The following ADCY2 variants were observed in gnomAD, a reference collection of about 807,000 sequenced individuals.
ADCY2 encodes adenylate cyclase type 2.
A neutral mutation model predicts 125.2 loss-of-function variants in ADCY2; 31 were observed. The observed-to-expected ratio is 0.25, with a 90% CI of 0.19 to 0.33. The LOEUF (loss-of-function observed/expected upper bound fraction) is 0.33. Among genes scored for constraint, ADCY2 ranks in the 10% least tolerant of loss-of-function variants. The pLI is 1.00. For synonymous variants in ADCY2, 512 were observed against 548.4 expected (o/e 0.93, Z 0.93); for missense variants, 904 against 1,418.2 (o/e 0.64, Z 5.82).
chr5:7,412,086 AG>A (rs1739741336), intron 1 of ADCY2, among the ~76,000 whole-genome samples: 1 of 151,730 alleles, frequency 6.6e-6, no homozygotes, highest in Admixed American at 6.6e-5. Context: ...AAAAAAAAAA[AG>A]AGAAGCACGG....
intron 3 of ADCY2, among the ~76,000 whole-genome samples, chr5:7,573,169 A>T (rs1736116730): frequency 6.6e-6 from 1 of 152,144 alleles, no homozygotes; most frequent in Non-Finnish European, 1.5e-5. Flanking sequence ...GAGAAAATAA[A>T]TTTTTGTGAT....
intron 4 of ADCY2, among the ~76,000 whole-genome samples, chr5:7,686,000 A>T (rs971133626): frequency 1.2e-4 from 19 of 152,292 alleles, no homozygotes; most frequent in Non-Finnish European, 2.5e-4. Flanking sequence ...TAGCATCCTG[A>T]TGTAATTGAA....
rs1262300154 is a variant in ADCY2 at position 7,531,505 on chromosome 5, A to G, written c.570+10606A>G. ...AAACAACAGAGATTTATAAATTCTGACATTTATTATCTCACAGAAATCAAA... is the reference window on the plus strand; with the variant it reads ...AAACAACAGAGATTTATAAATTCTGGCATTTATTATCTCACAGAAATCAAA... On this transcript the variant is annotated intron_variant, in intron 3 of 24. Coordinates refer to ENST00000338316, the MANE Select transcript of ADCY2 (RefSeq NM_020546.3). Among the ~76,000 whole-genome samples, 7 of 152,190 alleles carry G rather than the reference A, an allele frequency of 4.6e-5. No individual in the cohort carries two copies. The East Asian group carries it at 1.3e-3, about 29-fold the overall frequency.
intron 3 of ADCY2, among the ~76,000 whole-genome samples, chr5:7,557,205 CAAGT>C (rs1735553906): frequency 1.2e-5 from 1 of 82,554 alleles, no homozygotes; most frequent in Admixed American, 1.0e-4. Context: ...ATATATAACT[CAAGT>C]GAGTGTATCT....
At chr5:7,534,589 G>A (rs191357066) in intron 3 of ADCY2, among the ~76,000 whole-genome samples, 23 of 152,324 alleles carry the variant, frequency 1.5e-4, no homozygotes, top group African/African-American at 4.6e-4. Flanking sequence ...GCCATTGGCT[G>A]GTTTATCTGG....
At position 7,661,109 on chromosome 5, in the gene ADCY2, G is replaced by A. The variant is rs184153758; in HGVS notation, c.721-29582G>A. Among the ~76,000 whole-genome samples the A allele has an allele frequency of 3.1e-3, 475 of 152,098 alleles. 4 individuals are homozygous for A. Among genetic ancestry groups the A allele is most frequent in the African/African-American group, 0.011 (448 of 41,472 alleles). Reference sequence around the variant, plus strand: ...AACAAACAAGGGTGATTTGGACAGGGGTATATATCTCTAAAGCTTGGGGCA... The same window carrying A: ...AACAAACAAGGGTGATTTGGACAGGAGTATATATCTCTAAAGCTTGGGGCA... On this transcript the variant is annotated intron_variant, in intron 4 of 24. Transcript: ENST00000338316.
At chr5:7,407,427 A>C (rs966252480) in intron 1 of ADCY2, among the ~76,000 whole-genome samples, 1 of 152,078 alleles carries the variant, frequency 6.6e-6, no homozygotes, top group Admixed American at 6.5e-5. Flanking sequence ...TTGTGGCTGA[A>C]GGGGAAGGGG....
At chr5:7,435,711 G>C (rs1330649585) in intron 2 of ADCY2, among the ~76,000 whole-genome samples, 1 of 152,178 alleles carries the variant, frequency 6.6e-6, no homozygotes, top group African/African-American at 2.4e-5. Context: ...TTTGAGTATA[G>C]GACATTGTCC....
intron 20 of ADCY2, among the ~76,000 whole-genome samples, chr5:7,792,465 C>G (rs1450706870): frequency 1.3e-5 from 2 of 152,026 alleles, no homozygotes; most frequent in Non-Finnish European, 1.5e-5. Context: ...GACATGGGCT[C>G]AGAGGAAAGC....
chr5:7,752,679 G>C (rs554995272), intron 15 of ADCY2, among the ~76,000 whole-genome samples: 22 of 148,882 alleles, frequency 1.5e-4, no homozygotes, highest in African/African-American at 4.9e-4. Context: ...TGTTTCCATT[G>C]CAAGTGGATC....
chr5:7,743,792 C>T (rs747960215), intron 15 of ADCY2, 40 bp downstream of exon 15: 6 of 1,585,812 alleles, frequency 3.8e-6, no homozygotes, highest in African/African-American at 2.7e-5. Flanking sequence ...AAAGTATGCT[C>T]ATTTCATGAA....
chr5:7,495,329 T>G (rs1355499493), intron 2 of ADCY2, among the ~76,000 whole-genome samples: 1 of 152,214 alleles, frequency 6.6e-6, no homozygotes, highest in Non-Finnish European at 1.5e-5. Context: ...GTCAGGAATT[T>G]CGAGCTTCAT....
chr5:7,724,981 A>G (rs1014626067), intron 13 of ADCY2, among the ~76,000 whole-genome samples: 1 of 152,248 alleles, frequency 6.6e-6, no homozygotes, highest in Non-Finnish European at 1.5e-5. Flanking sequence ...ATGTCTTTAC[A>G]CAAATTATTT....
At chr5:7,690,578 G>T in intron 4 of ADCY2, 113 bp from the exon 5 acceptor site, 1 of 967,310 alleles carries the variant, frequency 1.0e-6, no homozygotes, top group Non-Finnish European at 1.4e-6. Context: ...TTAGCTTCCA[G>T]GAAAGAATTC....
chr5:7,714,388 G>A (rs542773474), intron 11 of ADCY2, among the ~76,000 whole-genome samples: 192 of 152,340 alleles, frequency 1.3e-3, no homozygotes, highest in African/African-American at 4.3e-3. Flanking sequence ...CCAGTATTAC[G>A]TGGGGCAGCG....
rs780798940 is a variant in ADCY2 at position 7,743,664 on chromosome 5, G to A, written c.1872-4G>A. The A allele has an allele frequency of 6.2e-7, 1 of 1,613,368 alleles. No individual in the cohort carries two copies. The highest frequency in any genetic ancestry group is 2.2e-5 in the East Asian group (1 of 44,870). On this transcript the variant is annotated splice_polypyrimidine_tract_variant and splice_region_variant and intron_variant, in intron 14 of 24. Coordinates refer to ENST00000338316, the MANE Select transcript of ADCY2 (RefSeq NM_020546.3). The stretch of plus-strand genomic sequence containing the variant: ...CTGACTTGCTGCTTTTTGTTTCCCG[G>A]TAGAACGTCCGTCCTGGGCATCTCC...
intron 2 of ADCY2, among the ~76,000 whole-genome samples, chr5:7,487,428 A>G (rs1305665762): frequency 6.6e-6 from 1 of 152,206 alleles, no homozygotes; most frequent in African/African-American, 2.4e-5. Context: ...TCATAAACAG[A>G]TAACCTATGT....
At chr5:7,492,879 A>G (rs970816726) in intron 2 of ADCY2, among the ~76,000 whole-genome samples, 7 of 152,280 alleles carry the variant, frequency 4.6e-5, no homozygotes, top group African/African-American at 9.6e-5. Context: ...ACCTGCATTC[A>G]GTGGTGCAGT....
intron 1 of ADCY2, among the ~76,000 whole-genome samples, chr5:7,402,832 AT>A (rs1469617750): frequency 6.6e-6 from 1 of 152,232 alleles, no homozygotes; most frequent in Non-Finnish European, 1.5e-5. Flanking sequence ...AATTCTGAAG[AT>A]TTCTCAAGGT....
Sources: gnomAD v4.1 joint callset for allele counts (sites outside exome capture counted in the v4.1 genomes callset) on GRCh38, gnomAD v4.1.1 for gene constraint, MANE v1.5 for transcripts, NCBI Gene and HGNC (gene_info 2026-07-23, HGNC 2026-07-21) for gene names.